ADAMTS20: variants seen among roughly 807,000 people sequenced by gnomAD.
ADAMTS20 encodes ADAM metallopeptidase with thrombospondin type 1 motif 20.
ADAMTS20 carries 225 observed loss-of-function variants against 260.1 expected under a neutral mutation model. The observed-to-expected ratio is 0.87, with a 90% CI of 0.78 to 0.97. The LOEUF (loss-of-function observed/expected upper bound fraction) is 0.97. ADAMTS20 is among the 50% of genes least tolerant of loss of function. The probability of loss-of-function intolerance (pLI) is 0.00; values close to 1 mark genes in which losing one functional copy is unlikely to be tolerated. For missense variants in ADAMTS20, 2,400 were observed against 2,337.7 expected, an observed-to-expected ratio of 1.03 and a Z score of -0.55; for synonymous variants, 802 against 769.5, an observed-to-expected ratio of 1.04 and a Z score of -0.70.
At chr12:43,485,749 A>G (rs891025621) in intron 7 of ADAMTS20, among the ~76,000 whole-genome samples, 1 of 152,180 alleles carries the variant, frequency 6.6e-6, no homozygotes, top group Admixed American at 6.5e-5. Flanking sequence ...AACATACACA[A>G]ATCAGTATCA....
intron 31 of ADAMTS20, among the ~76,000 whole-genome samples, chr12:43,382,741 A>G (rs777387772): frequency 6.6e-6 from 1 of 152,130 alleles, no homozygotes; most frequent in African/African-American, 2.4e-5. Flanking sequence ...ACTATGTTTC[A>G]TATGTTCAAA....
chr12:43,539,834 A>G (rs1943351666), intron 2 of ADAMTS20, among the ~76,000 whole-genome samples: 2 of 152,284 alleles, frequency 1.3e-5, no homozygotes, highest in Middle Eastern at 3.4e-3. Context: ...GCTACTTTAA[A>G]TAGCATCACA....
intron 37 of ADAMTS20, among the ~76,000 whole-genome samples, chr12:43,367,129 A>G (rs1940003705): frequency 6.6e-6 from 1 of 151,936 alleles, no homozygotes; most frequent in Non-Finnish European, 1.5e-5. Flanking sequence ...CAAACATATA[A>G]AGAATAATTT....
chr12:43,365,431 ATATAAG>A (rs569316235), intron 37 of ADAMTS20, among the ~76,000 whole-genome samples: 48 of 152,192 alleles, frequency 3.2e-4, no homozygotes, highest in African/African-American at 1.1e-3. Context: ...ACCAAGGTGT[ATATAAG>A]TATATTATTG....
At chr12:43,490,039 A>G (rs1184390975) in intron 7 of ADAMTS20, among the ~76,000 whole-genome samples, 5 of 152,072 alleles carry the variant, frequency 3.3e-5, no homozygotes, top group Non-Finnish European at 7.4e-5. Context: ...AAGTAGAGTG[A>G]TGGAAAATGA....
chr12:43,426,078 A>C (rs1355994118), intron 27 of ADAMTS20, among the ~76,000 whole-genome samples: 15 of 152,190 alleles, frequency 9.9e-5, no homozygotes, highest in Admixed American at 9.8e-4. Context: ...TCCAATCAAC[A>C]GGTTACTAAG....
intron 11 of ADAMTS20, among the ~76,000 whole-genome samples, chr12:43,458,040 G>A (rs556543685): frequency 6.6e-6 from 1 of 152,220 alleles, no homozygotes; most frequent in African/African-American, 2.4e-5. Flanking sequence ...AGGAAGTCCT[G>A]ATGACATGTG....
chr12:43,492,407 A>C, intron 6 of ADAMTS20, 98 bp downstream of exon 6: 1 of 1,407,786 alleles, frequency 7.1e-7, no homozygotes, highest in South Asian at 1.4e-5. Flanking sequence ...AAAAAGAAAA[A>C]CAAAAACAAA....
At chr12:43,389,935 T>C (rs1345747399) in intron 29 of ADAMTS20, among the ~76,000 whole-genome samples, 1 of 152,202 alleles carries the variant, frequency 6.6e-6, no homozygotes, top group Non-Finnish European at 1.5e-5. Context: ...CAAGCATGAC[T>C]CATTTACTCT....
At chr12:43,403,216 T>C (rs764484589) in intron 28 of ADAMTS20, among the ~76,000 whole-genome samples, 1 of 152,146 alleles carries the variant, frequency 6.6e-6, no homozygotes, top group Non-Finnish European at 1.5e-5. Context: ...TTACTTCTCA[T>C]ATTTGAGGTG....
intron 38 of ADAMTS20, among the ~76,000 whole-genome samples, chr12:43,354,535 A>G (rs373206267): frequency 9.4e-6 from 1 of 106,304 alleles, no homozygotes; most frequent in Non-Finnish European, 1.9e-5. Flanking sequence ...GTTGAATATT[A>G]TATACAATTT....
chr12:43,502,895 AT>A (rs1476497570), intron 3 of ADAMTS20, among the ~76,000 whole-genome samples: 2 of 152,170 alleles, frequency 1.3e-5, no homozygotes, highest in African/African-American at 4.8e-5. Flanking sequence ...ACAACAGAAA[AT>A]TAAGCAAAAT....
intron 7 of ADAMTS20, among the ~76,000 whole-genome samples, chr12:43,477,735 G>C (rs1190208194): frequency 6.6e-6 from 1 of 151,952 alleles, no homozygotes; most frequent in African/African-American, 2.4e-5. Context: ...CAAATTCTAG[G>C]CGGTAAGCAA....
intron 28 of ADAMTS20, among the ~76,000 whole-genome samples, chr12:43,402,207 A>G (rs548480958): frequency 3.9e-5 from 6 of 152,112 alleles, no homozygotes; most frequent in South Asian, 2.1e-4. Context: ...TGTAATAACT[A>G]TCAGCTGATG....
At chr12:43,508,197 A>G (rs1256777659) in intron 3 of ADAMTS20, among the ~76,000 whole-genome samples, 3 of 152,178 alleles carry the variant, frequency 2.0e-5, no homozygotes, top group African/African-American at 7.2e-5. Flanking sequence ...TGAAATGAGA[A>G]CACTGAAGGA....
chr12:43,460,988 A>ATATTT, intron 11 of ADAMTS20, among the ~76,000 whole-genome samples: 2 of 26,394 alleles, frequency 7.6e-5, no homozygotes, highest in Admixed American at 8.3e-4. Context: ...ATATATATAT[A>ATATTT]TTTTTTTTTT....
In ADAMTS20 at chr12:43,472,933, G is replaced by C. The variant is rs1403792315; in HGVS notation, c.1118-4228C>G. On this transcript the variant is annotated intron_variant, in intron 7 of 38. Coordinates refer to ENST00000389420, the MANE Select transcript of ADAMTS20 (RefSeq NM_025003.5). The stretch of plus-strand genomic sequence containing the variant: ...CTAGGAAGAAACTGCATCAACTAAT[G>C]AGCAAAATCACCAGCTAACATCATA... Among the ~76,000 whole-genome samples, 10 of 135,594 alleles carry C rather than the reference G, an allele frequency of 7.4e-5. No homozygotes were observed. The East Asian group carries it at 2.3e-3, about 31-fold the overall frequency. The allele number at this position is 135,594 out of a possible 152,430, so 89.0% of individuals were successfully genotyped here.
intron 37 of ADAMTS20, among the ~76,000 whole-genome samples, chr12:43,361,029 A>T (rs547407852): frequency 3.2e-4 from 48 of 152,348 alleles, no homozygotes; most frequent in African/African-American, 9.4e-4. Flanking sequence ...CAAAACATTT[A>T]CTTTACTTTA....
intron 7 of ADAMTS20, among the ~76,000 whole-genome samples, chr12:43,470,762 T>G (rs1402158289): frequency 1.3e-5 from 2 of 152,208 alleles, no homozygotes; most frequent in Non-Finnish European, 2.9e-5. Context: ...ACAGAAAATC[T>G]AGTAATTACT....
Sources: gnomAD v4.1 joint callset for allele counts (sites outside exome capture counted in the v4.1 genomes callset) on GRCh38, gnomAD v4.1.1 for gene constraint, MANE v1.5 for transcripts, NCBI Gene and HGNC (gene_info 2026-07-23, HGNC 2026-07-21) for gene names.